The following FNBP4 variants were observed in gnomAD, a reference collection of about 807,000 sequenced individuals.
FNBP4 encodes formin-binding protein 4.
Under a neutral mutation model 119.3 loss-of-function variants are expected in FNBP4, and 34 were observed. That is an observed-to-expected ratio of 0.28 (90% CI 0.22 to 0.38). The LOEUF (loss-of-function observed/expected upper bound fraction) is 0.38. Among genes scored for constraint, FNBP4 ranks in the 10% least tolerant of loss-of-function variants. The pLI is 1.00. For missense variants in FNBP4, 1,112 were observed against 1,228.9 expected (o/e 0.90, Z 1.42); for synonymous variants, 462 against 430.6 (o/e 1.07, Z -0.90).
chr11:47,724,650 G>T lies in FNBP4; in HGVS notation c.2137C>A (p.Pro713Thr), dbSNP rs1223378908. The change falls in exon 13 of 17, where the codon CCA becomes ACA. Residue 713 changes from proline to threonine, a missense_variant. Coordinates refer to ENST00000263773, the MANE Select transcript of FNBP4 (RefSeq NM_015308.5). ...GATTCTGGAGGTGGAGGTGGGGGTG[G>T]TGGCATTTCCAAGGGTAATGGAGGT... ...LQPPLPLEMP[P>T]PPPPPPESPP... The T allele has an allele frequency of 1.2e-6, 2 of 1,614,076 alleles. No individual in the cohort carries two copies. Among genetic ancestry groups the T allele is most frequent in the African/African-American group, 2.7e-5 (2 of 75,012 alleles).
intron 2 of FNBP4, among the ~76,000 whole-genome samples, chr11:47,763,348 G>A (rs1396017402): frequency 2.0e-5 from 3 of 150,854 alleles, no homozygotes; most frequent in Non-Finnish European, 4.4e-5. Flanking sequence ...AGGAGGGTGA[G>A]GTAGGAGAAA....
chr11:47,745,152 A>C (rs965314762), intron 7 of FNBP4, among the ~76,000 whole-genome samples: 4 of 152,192 alleles, frequency 2.6e-5, no homozygotes, highest in Non-Finnish European at 4.4e-5. Context: ...GTGTTTGAAC[A>C]GTATGAAATC....
intron 12 of FNBP4, among the ~76,000 whole-genome samples, chr11:47,731,119 T>C (rs1264705722): frequency 6.6e-6 from 1 of 152,184 alleles, no homozygotes; most frequent in Non-Finnish European, 1.5e-5. Flanking sequence ...CATGATAGAA[T>C]GGTTATAAAA....
chr11:47,763,980 G>A (rs1454505061), intron 2 of FNBP4, among the ~76,000 whole-genome samples: 1 of 152,164 alleles, frequency 6.6e-6, no homozygotes, highest in Non-Finnish European at 1.5e-5. Flanking sequence ...TAAAAAGGAT[G>A]TTTTGGAAAT....
chr11:47,761,460 C>T (rs571925092), intron 2 of FNBP4, among the ~76,000 whole-genome samples: 2 of 152,226 alleles, frequency 1.3e-5, no homozygotes, highest in Admixed American at 6.5e-5. Context: ...GGGATGGTGG[C>T]ATGAGCCAGT....
chr11:47,762,817 G>A (rs1472543375), intron 2 of FNBP4, among the ~76,000 whole-genome samples: 4 of 148,804 alleles, frequency 2.7e-5, no homozygotes, highest in Non-Finnish European at 5.9e-5. Context: ...GGCTGAGGAA[G>A]GAGAATCGCC....
At chr11:47,734,682 A>G (rs1352688922) in intron 9 of FNBP4, among the ~76,000 whole-genome samples, 1 of 152,134 alleles carries the variant, frequency 6.6e-6, no homozygotes, top group Non-Finnish European at 1.5e-5. Flanking sequence ...CAGTTATAAA[A>G]TAAATTTTGG....
intron 2 of FNBP4, among the ~76,000 whole-genome samples, chr11:47,763,657 C>T (rs1262376358): frequency 3.9e-5 from 6 of 151,974 alleles, no homozygotes; most frequent in African/African-American, 9.7e-5. Flanking sequence ...CCCGCCACCA[C>T]GCCCAGCTAA....
chr11:47,754,985 T>C (rs1170256997), intron 2 of FNBP4, among the ~76,000 whole-genome samples: 1 of 150,320 alleles, frequency 6.7e-6, no homozygotes, highest in Non-Finnish European at 1.5e-5. Flanking sequence ...CTATTAAAAA[T>C]ACAAAAAATT....
At chr11:47,725,875 A>G in intron 12 of FNBP4, 2 of 785,056 alleles carry the variant, frequency 2.5e-6, no homozygotes, top group Non-Finnish European at 3.1e-6. Context: ...AGACATGAGA[A>G]ATCATCTATT....
chr11:47,724,287 A>G, intron 13 of FNBP4, 115 bp from the exon 14 acceptor site: 2 of 1,511,880 alleles, frequency 1.3e-6, no homozygotes, highest in Non-Finnish European at 1.8e-6. Flanking sequence ...CAGTGGTGAG[A>G]TCATGACTCA....
chr11:47,761,668 A>G (rs2097634898), intron 2 of FNBP4, among the ~76,000 whole-genome samples: 2 of 152,048 alleles, frequency 1.3e-5, no homozygotes, highest in South Asian at 4.1e-4. Flanking sequence ...CTATAATCCT[A>G]GCATTTTGGG....
At chr11:47,754,746 T>G (rs1241295762) in intron 2 of FNBP4, 82 bp from the exon 3 acceptor site, 1 of 1,467,648 alleles carries the variant, frequency 6.8e-7, no homozygotes, top group Non-Finnish European at 9.2e-7. Context: ...GTATAACATG[T>G]TTTTTTTAAA....
intron 8 of FNBP4, among the ~76,000 whole-genome samples, chr11:47,740,525 C>T (rs1169138977): frequency 6.6e-6 from 1 of 151,620 alleles, no homozygotes; most frequent in African/African-American, 2.4e-5. Context: ...GACCTCTACC[C>T]TCATGGTGCC....
At chr11:47,733,929 G>C (rs1476757043) in intron 10 of FNBP4, 96 bp downstream of exon 10, 1 of 554,014 alleles carries the variant, frequency 1.8e-6, no homozygotes, top group East Asian at 3.2e-5. Flanking sequence ...TTTAAATTTA[G>C]GCTTAAAATG....
chr11:47,754,749 T>G, intron 2 of FNBP4, 85 bp from the exon 3 acceptor site: 1 of 1,464,818 alleles, frequency 6.8e-7, no homozygotes, highest in Non-Finnish European at 9.3e-7. Flanking sequence ...TAACATGTTT[T>G]TTTTAAACTT....
intron 2 of FNBP4, among the ~76,000 whole-genome samples, chr11:47,763,206 GTGATCACCGCACTT>G (rs2097639724): frequency 1.3e-5 from 2 of 152,144 alleles, no homozygotes; most frequent in South Asian, 4.1e-4. Context: ...GCTCAGACCT[GTGATCACCGCACTT>G]TGGGAGTCCA....
At chr11:47,719,414 T>C (rs549863881) in intron 16 of FNBP4, among the ~76,000 whole-genome samples, 1 of 152,312 alleles carries the variant, frequency 6.6e-6, no homozygotes, top group Middle Eastern at 3.4e-3. Flanking sequence ...ATAAGTGCAA[T>C]TGAGAAGGCA....
chr11:47,760,729 T>C (rs913602145), intron 2 of FNBP4, among the ~76,000 whole-genome samples: 1 of 152,094 alleles, frequency 6.6e-6, no homozygotes, highest in Non-Finnish European at 1.5e-5. Context: ...CCACCCAGCC[T>C]GGTCTTTTCT....
Sources: gnomAD v4.1 joint callset for allele counts (sites outside exome capture counted in the v4.1 genomes callset) on GRCh38, gnomAD v4.1.1 for gene constraint, MANE v1.5 for transcripts, NCBI Gene and HGNC (gene_info 2026-07-23, HGNC 2026-07-21) for gene names.